The following TACC1 variants were observed in gnomAD, a reference collection of about 807,000 sequenced individuals.
TACC1 encodes transforming acidic coiled-coil-containing protein 1.
In TACC1, 48 loss-of-function variants were observed where a neutral mutation model predicts 84.4. The observed-to-expected ratio is 0.57, with a 90% CI of 0.45 to 0.72. TACC1 has a LOEUF of 0.72. Ranked by LOEUF, TACC1 falls within the 30% of genes least tolerant of loss-of-function variation. TACC1 has a pLI of 0.00. For missense variants in TACC1, 920 were observed against 973.0 expected, an observed-to-expected ratio of 0.95 and a Z score of 0.72; for synonymous variants, 372 against 376.3, an observed-to-expected ratio of 0.99 and a Z score of 0.13.
chr8:38,777,103 A>C (rs899602197), intron 3 of TACC1, among the ~76,000 whole-genome samples: 1 of 152,038 alleles, frequency 6.6e-6, no homozygotes, highest in Admixed American at 6.5e-5. Flanking sequence ...TAAAAATACA[A>C]AAATCAGCTG....
intron 2 of TACC1, among the ~76,000 whole-genome samples, chr8:38,793,813 C>T (rs183182335): frequency 2.0e-5 from 3 of 152,252 alleles, no homozygotes; most frequent in Admixed American, 2.0e-4. Context: ...GCTGCTTTTG[C>T]TCTACAATAG....
At chr8:38,817,762 A>T (rs537508286) in intron 2 of TACC1, among the ~76,000 whole-genome samples, 16 of 152,078 alleles carry the variant, frequency 1.1e-4, no homozygotes, top group African/African-American at 3.9e-4. Context: ...TAGAAGATTC[A>T]TGAGAAAGGT....
intron 5 of TACC1, among the ~76,000 whole-genome samples, chr8:38,829,419 C>G (rs1388472494): frequency 6.6e-6 from 1 of 152,168 alleles, no homozygotes; most frequent in Non-Finnish European, 1.5e-5. Flanking sequence ...TGGGGTTAAT[C>G]CTGAGTATTC....
rs1348482088 is a variant in TACC1, at chr8:38,848,952, CTTCA to C, written c.*932_*935del. ...TGTTAATACAGAATCAACATTTAGT[CTTCA>C]TTATCTTTTTTTTTTTTTTTGAGAC... is the stretch of plus-strand genomic sequence containing the variant. On this transcript the variant is annotated 3_prime_UTR_variant, in exon 13 of 13. Coordinates refer to ENST00000317827, the MANE Select transcript of TACC1 (RefSeq NM_006283.3). 2.7e-5 allele frequency: 4 copies of C among 146,756 alleles called. No individual in the cohort carries two copies. Among genetic ancestry groups the C allele is most frequent in the African/African-American group, 4.9e-5 (2 of 40,452 alleles). The allele number at this position is 146,756 out of a possible 1,614,324, so 9.1% of individuals were successfully genotyped here. A position where few individuals can be genotyped will look rare whatever the true frequency, so the allele number is the denominator to read the frequency against.
chr8:38,833,876 A>G (rs1325113692), intron 6 of TACC1, among the ~76,000 whole-genome samples: 1 of 152,168 alleles, frequency 6.6e-6, no homozygotes, highest in Non-Finnish European at 1.5e-5. Context: ...GACCCATGAA[A>G]TGTTGTTAAT....
At chr8:38,748,272 T>C (rs1808420763) in intron 3 of TACC1, among the ~76,000 whole-genome samples, 1 of 152,108 alleles carries the variant, frequency 6.6e-6, no homozygotes, top group South Asian at 2.1e-4. Context: ...ACATAAAATT[T>C]ACAAATTTAT....
At chr8:38,825,100 G>A (rs1456072329) in intron 3 of TACC1, among the ~76,000 whole-genome samples, 2 of 152,116 alleles carry the variant, frequency 1.3e-5, no homozygotes, top group Admixed American at 6.5e-5. Context: ...AATGAGCCCC[G>A]CTTGTAGGTC....
chr8:38,792,239 T>C (rs1377949116), intron 2 of TACC1, among the ~76,000 whole-genome samples: 1 of 152,226 alleles, frequency 6.6e-6, no homozygotes, highest in Admixed American at 6.5e-5. Context: ...CTGGGAAATA[T>C]ATTGGTGAAG....
At chr8:38,749,152 T>G (rs1031035153) in intron 3 of TACC1, among the ~76,000 whole-genome samples, 1 of 152,194 alleles carries the variant, frequency 6.6e-6, no homozygotes, top group Non-Finnish European at 1.5e-5. Flanking sequence ...TGAACAACTT[T>G]ATGACATTAA....
intron 2 of TACC1, among the ~76,000 whole-genome samples, chr8:38,743,350 G>A (rs1420114407): frequency 6.6e-6 from 1 of 152,204 alleles, no homozygotes; most frequent in Non-Finnish European, 1.5e-5. Context: ...TGAGGAGGAA[G>A]AGAAAGGAAA....
At chr8:38,781,574 T>C (rs1237922883) in intron 3 of TACC1, among the ~76,000 whole-genome samples, 3 of 151,994 alleles carry the variant, frequency 2.0e-5, no homozygotes, top group African/African-American at 7.2e-5. Context: ...AGAGACGGGG[T>C]TTCGCCGTGT....
chr8:38,763,332 A>T (rs988220503), intron 3 of TACC1, among the ~76,000 whole-genome samples: 1 of 152,036 alleles, frequency 6.6e-6, no homozygotes, highest in Non-Finnish European at 1.5e-5. Context: ...AAAAAAAAAA[A>T]TTGTGGAAAT....
Position 38,808,190 on chromosome 8 carries a change from G to T in TACC1, c.278-11332G>T, listed in dbSNP as rs545933020. ...TAGAGAGAGAGCCTTTCAGTGCCCT[G>T]GAAGAAGGTTTTTAGGGAACACAGG... is the stretch of plus-strand genomic sequence containing the variant. On this transcript the variant is annotated intron_variant, in intron 2 of 12. Transcript: ENST00000317827. 1.5e-3 allele frequency among the ~76,000 whole-genome samples: 226 copies of T among 152,284 alleles called. 1 individual carries two copies. Among genetic ancestry groups the T allele is most frequent in the African/African-American group, 5.3e-3 (221 of 41,542 alleles).
At chr8:38,838,644 A>C (rs147826161) in intron 8 of TACC1, 98 bp downstream of exon 8, 2 of 1,002,510 alleles carry the variant, frequency 2.0e-6, no homozygotes, top group Non-Finnish European at 3.1e-6. Context: ...CACAGAACCA[A>C]GTGTTGAGAG....
At chr8:38,794,562 TTG>T (rs35760071) in intron 2 of TACC1, among the ~76,000 whole-genome samples, 57,928 of 150,336 alleles carry the variant, frequency 0.39, 11,252 homozygotes, top group African/African-American at 0.46. Context: ...GTGTGTTTGT[TTG>T]TGTGTGTGTG....
At chr8:38,737,968 C>G (rs903657405) in intron 1 of TACC1, among the ~76,000 whole-genome samples, 5 of 152,070 alleles carry the variant, frequency 3.3e-5, no homozygotes, top group East Asian at 1.9e-4. Context: ...CTCAGGTGAT[C>G]TGCCCGCCTC....
chr8:38,810,698 T>C (rs2152121372), intron 2 of TACC1, among the ~76,000 whole-genome samples: 1 of 152,342 alleles, frequency 6.6e-6, no homozygotes, highest in Middle Eastern at 3.4e-3. Flanking sequence ...CTTATTATTA[T>C]GTAGTATTCA....
At chr8:38,829,522 C>T (rs1054405161) in intron 5 of TACC1, among the ~76,000 whole-genome samples, 1 of 152,184 alleles carries the variant, frequency 6.6e-6, no homozygotes, top group South Asian at 2.1e-4. Context: ...CTCCAGCATG[C>T]TTTTGCTCCC....
intron 2 of TACC1, among the ~76,000 whole-genome samples, chr8:38,815,998 A>G (rs1478821370): frequency 6.6e-6 from 1 of 151,550 alleles, no homozygotes; most frequent in African/African-American, 2.4e-5. Context: ...TTATTTCAGT[A>G]GTGTTTGGAT....
Sources: gnomAD v4.1 joint callset for allele counts (sites outside exome capture counted in the v4.1 genomes callset) on GRCh38, gnomAD v4.1.1 for gene constraint, MANE v1.5 for transcripts, NCBI Gene and HGNC (gene_info 2026-07-23, HGNC 2026-07-21) for gene names.